PUS7: variants seen among roughly 807,000 people sequenced by gnomAD.
PUS7 encodes the protein pseudouridylate synthase 7 homolog.
In PUS7, 48 loss-of-function variants were observed where a neutral mutation model predicts 79.8. The ratio of observed to expected loss-of-function variants is 0.60; its 90% CI spans 0.48 to 0.76. PUS7 has a LOEUF of 0.76. Ranked by LOEUF, PUS7 falls within the 30% of genes least tolerant of loss-of-function variation. The pLI is 0.00. For missense variants in PUS7, 729 were observed against 797.6 expected, an observed-to-expected ratio of 0.91 and a Z score of 1.04; for synonymous variants, 286 against 272.2, an observed-to-expected ratio of 1.05 and a Z score of -0.50.
chr7:105,467,492 T>A (rs1823704481), intron 12 of PUS7, among the ~76,000 whole-genome samples: 1 of 151,674 alleles, frequency 6.6e-6, no homozygotes, highest in South Asian at 2.1e-4. Flanking sequence ...CGTTTCACCG[T>A]GTTAGCCAGG....
intron 2 of PUS7, among the ~76,000 whole-genome samples, chr7:105,506,569 C>A (rs376092676): frequency 6.6e-6 from 1 of 151,748 alleles, no homozygotes; most frequent in African/African-American, 2.4e-5. Context: ...ATTACAGGCA[C>A]GTGCCACCAC....
intron 1 of PUS7, among the ~76,000 whole-genome samples, chr7:105,517,166 C>CTTTTTTTTTTTTTTTTTTTTTTTTTTT: frequency 6.8e-6 from 1 of 146,630 alleles, no homozygotes; most frequent in Non-Finnish European, 1.5e-5. Flanking sequence ...CTTCACATTT[C>CTTTTTTTTTTTTTTTTTTTTTTTTTTT]TTTTTTTGGC....
At position 105,467,034 on chromosome 7, in the gene PUS7, G is replaced by GTTTTTTTT. The variant is rs56177512; in HGVS notation, c.1525+1295_1525+1302dup. ...AGAACTCTGAATCCCAGTTTTTTCT[G>GTTTTTTTT]TTTTTTTTTTTTTTTTTTTTTTTTT... On this transcript the variant is annotated intron_variant, in intron 12 of 15. Coordinates refer to ENST00000469408, the MANE Select transcript of PUS7 (RefSeq NM_019042.5). Among the ~76,000 whole-genome samples the GTTTTTTTT allele has an allele frequency of 7.4e-4, 52 of 70,684 alleles. 1 individual carries two copies. Among genetic ancestry groups the GTTTTTTTT allele is most frequent in the African/African-American group, 8.6e-4 (18 of 21,000 alleles). 46.4% of individuals were successfully genotyped at this position (70,684 alleles called of 152,430 possible).
Position 105,520,315 on chromosome 7 carries a change from C to T in PUS7, c.-33+1737G>A, listed in dbSNP as rs79724727. ...TCTACTAAAAATATAAAAAATTAGC[C>T]GGGCGTGGTGGCGGGCGCCTGTAGT... On this transcript the variant is annotated intron_variant, in intron 1 of 15. Coordinates refer to ENST00000469408, the MANE Select transcript of PUS7 (RefSeq NM_019042.5). 6.3e-3 allele frequency among the ~76,000 whole-genome samples: 957 copies of T among 152,036 alleles called. 15 individuals carry two copies. Among genetic ancestry groups the T allele is most frequent in the East Asian group, 0.037 (193 of 5,174 alleles).
intron 9 of PUS7, among the ~76,000 whole-genome samples, chr7:105,475,508 G>C (rs995393602): frequency 6.6e-6 from 1 of 151,792 alleles, no homozygotes; most frequent in Admixed American, 6.6e-5. Flanking sequence ...TTTTTTAGTA[G>C]AGATGGGGTT....
At chr7:105,516,077 G>A (rs1825883579) in intron 1 of PUS7, among the ~76,000 whole-genome samples, 1 of 151,968 alleles carries the variant, frequency 6.6e-6, no homozygotes, top group South Asian at 2.1e-4. Flanking sequence ...GTAAAGTGCT[G>A]GGATTACAGG....
At chr7:105,496,184 TACACAC>T (rs67218522) in intron 5 of PUS7, among the ~76,000 whole-genome samples, 1 of 68,526 alleles carries the variant, frequency 1.5e-5, no homozygotes, top group Admixed American at 2.2e-4. Context: ...TATGCATATC[TACACAC>T]ACACACATAT....
intron 9 of PUS7, 86 bp from the exon 10 acceptor site, chr7:105,472,279 T>C (rs932600606): frequency 1.5e-5 from 12 of 804,118 alleles, no homozygotes; most frequent in African/African-American, 6.9e-5. Context: ...CAACAAATCA[T>C]ATTAACTATA....
At chr7:105,465,473 A>G (rs983064281) in intron 12 of PUS7, 59 bp from the exon 13 acceptor site, 12 of 1,235,172 alleles carry the variant, frequency 9.7e-6, no homozygotes, top group East Asian at 2.4e-5. Context: ...TATGAACTCA[A>G]TCTTCTAAAA....
At chr7:105,500,922 G>T (rs1181819775) in intron 5 of PUS7, among the ~76,000 whole-genome samples, 2 of 152,182 alleles carry the variant, frequency 1.3e-5, no homozygotes, top group African/African-American at 4.8e-5. Flanking sequence ...GGAGTAAAAA[G>T]TAATTCAGGA....
In PUS7 at chr7:105,506,007, C is replaced by A. The variant is rs141658791; in HGVS notation, c.533G>T (p.Arg178Leu). The change falls in exon 4 of 16, where the codon CGA becomes CTA. Residue 178 changes from arginine to leucine, a missense_variant. Transcript: ENST00000469408. ...TTTGAACAGCTGGAGCTCTTCCAAT[C>A]GCTGCTTTTCTTCAGCTGTCAAAAC... is the stretch of plus-strand genomic sequence containing the variant. Reference protein sequence around the residue: ...FTVLTAEEKQRLEELQLFKNK... With the variant: ...FTVLTAEEKQLLEELQLFKNK... The A allele has an allele frequency of 3.7e-6, 6 of 1,613,822 alleles. No individual in the cohort carries two copies. Among genetic ancestry groups the A allele is most frequent in the South Asian group, 3.3e-5 (3 of 91,040 alleles).
chr7:105,474,458 T>C (rs1270620903), intron 9 of PUS7, among the ~76,000 whole-genome samples: 2 of 152,000 alleles, frequency 1.3e-5, no homozygotes, highest in African/African-American at 2.4e-5. Context: ...ATAATACACA[T>C]AGATTTTTAC....
At chr7:105,491,463 C>A in intron 7 of PUS7, 77 bp downstream of exon 7, 1 of 933,170 alleles carries the variant, frequency 1.1e-6, no homozygotes, top group Non-Finnish European at 1.6e-6. Flanking sequence ...GAGAAACCCC[C>A]AAAGTAAATT....
At chr7:105,500,128 T>C (rs1825188876) in intron 5 of PUS7, among the ~76,000 whole-genome samples, 1 of 152,078 alleles carries the variant, frequency 6.6e-6, no homozygotes, top group Non-Finnish European at 1.5e-5. Context: ...GCCCAAGAAG[T>C]GTGGTTCTCT....
At chr7:105,496,153 C>A (rs4373450) in intron 5 of PUS7, among the ~76,000 whole-genome samples, 21,394 of 135,936 alleles carry the variant, frequency 0.16, 1,656 homozygotes, top group South Asian at 0.19. Flanking sequence ...AGCGAGACTC[C>A]GTCTCAAAAA....
chr7:105,487,150 A>G (rs1280002963), intron 7 of PUS7, among the ~76,000 whole-genome samples: 3 of 152,222 alleles, frequency 2.0e-5, no homozygotes, highest in Admixed American at 2.0e-4. Flanking sequence ...AGTGATTTTT[A>G]GTATATTCAC....
intron 1 of PUS7, among the ~76,000 whole-genome samples, chr7:105,510,869 T>C (rs1331388330): frequency 2.0e-5 from 3 of 152,140 alleles, no homozygotes; most frequent in Non-Finnish European, 2.9e-5. Flanking sequence ...GTTAATTACA[T>C]ACAAGATGCT....
Position 105,493,531 on chromosome 7 carries a change from G to C in PUS7, c.842+1611C>G, listed in dbSNP as rs566441196. Among the ~76,000 whole-genome samples, 31 of 152,334 alleles carry C rather than the reference G, an allele frequency of 2.0e-4. No homozygotes were observed. In the South Asian group the frequency reaches 6.4e-3, roughly 32 times the overall value. ...GGTACTGTGTATTATGGGCTGAACT[G>C]TGTCTCCCCCAAAATTAGTATGTTG... is the stretch of plus-strand genomic sequence containing the variant. On this transcript the variant is annotated intron_variant, in intron 6 of 15. Transcript: ENST00000469408.
chr7:105,459,420 A>G (rs1292666218), intron 14 of PUS7, among the ~76,000 whole-genome samples, 161 bp from the exon 15 acceptor site: 1 of 151,794 alleles, frequency 6.6e-6, no homozygotes, highest in Non-Finnish European at 1.5e-5. Context: ...TTTATACCTA[A>G]GTTTTGCTTA....
Sources: gnomAD v4.1 joint callset for allele counts (sites outside exome capture counted in the v4.1 genomes callset) on GRCh38, gnomAD v4.1.1 for gene constraint, MANE v1.5 for transcripts, NCBI Gene and HGNC (gene_info 2026-07-23, HGNC 2026-07-21) for gene names.